KHDRBS2: variants seen among roughly 807,000 people sequenced by gnomAD.
KHDRBS2 encodes the protein KH domain-containing, RNA-binding, signal transduction-associated protein 2.
Under a neutral mutation model 44.3 loss-of-function variants are expected in KHDRBS2, and 26 were observed. That is an observed-to-expected ratio of 0.59 (90% CI 0.43 to 0.81). The LOEUF (loss-of-function observed/expected upper bound fraction) is 0.81, where lower values mean the gene tolerates loss of function less well. Ranked by LOEUF, KHDRBS2 falls within the 40% of genes least tolerant of loss-of-function variation. KHDRBS2 has a pLI of 0.00. For synonymous variants in KHDRBS2, 194 were observed against 151.1 expected (o/e 1.28, Z -2.08); for missense variants, 476 against 433.1 (o/e 1.10, Z -0.88).
chr6:61,661,846 C>T, the KHDRBS2 span, among the ~76,000 whole-genome samples: 1 of 151,940 alleles, frequency 6.6e-6, no homozygotes, highest in Non-Finnish European at 1.5e-5. Context: ...AGATTCAATG[C>T]CATCCCCATC....
At chr6:61,814,048 T>C (rs1788527737) in intron 6 of KHDRBS2, 1 of 455,820 alleles carries the variant, frequency 2.2e-6, no homozygotes, top group Admixed American at 2.4e-5. Flanking sequence ...TAAAGCAACA[T>C]ATTTATTCAT....
chr6:61,804,046 C>T (rs1405286657), intron 6 of KHDRBS2, among the ~76,000 whole-genome samples: 1 of 152,074 alleles, frequency 6.6e-6, no homozygotes, highest in Non-Finnish European at 1.5e-5. Context: ...AATAGCCCCC[C>T]AAAGTCATAA....
intron 1 of KHDRBS2, among the ~76,000 whole-genome samples, chr6:62,242,896 A>T (rs767362853): frequency 3.0e-4 from 46 of 152,130 alleles, no homozygotes; most frequent in Admixed American, 2.6e-3. Context: ...CTTTTTTGCT[A>T]TCATATACTT....
chr6:62,117,937 G>C (rs1205794556), intron 2 of KHDRBS2, among the ~76,000 whole-genome samples: 2 of 152,028 alleles, frequency 1.3e-5, no homozygotes, highest in African/African-American at 2.4e-5. Context: ...CACTACACCT[G>C]GCTAATTTTT....
At chr6:61,758,034 C>A (rs190663274) in intron 6 of KHDRBS2, among the ~76,000 whole-genome samples, 2 of 152,226 alleles carry the variant, frequency 1.3e-5, no homozygotes, top group Admixed American at 6.5e-5. Flanking sequence ...GCATCTCTCT[C>A]CTGTCTAGTA....
At chr6:61,811,206 T>C (rs999140277) in intron 6 of KHDRBS2, among the ~76,000 whole-genome samples, 2 of 152,140 alleles carry the variant, frequency 1.3e-5, no homozygotes, top group African/African-American at 4.8e-5. Flanking sequence ...GGACATGTGA[T>C]ATTTGGTTTC....
At chr6:62,277,289 T>C (rs1485619582) in intron 1 of KHDRBS2, among the ~76,000 whole-genome samples, 1 of 152,128 alleles carries the variant, frequency 6.6e-6, no homozygotes, top group African/African-American at 2.4e-5. Context: ...ATACTTCATT[T>C]ATTAATAGCA....
intron 1 of KHDRBS2, among the ~76,000 whole-genome samples, chr6:62,244,412 C>T (rs1835217423): frequency 6.6e-6 from 1 of 151,982 alleles, no homozygotes; most frequent in African/African-American, 2.4e-5. Flanking sequence ...GCCCGTGCTC[C>T]TAGTTCTGCT....
At chr6:61,554,130 A>C in the KHDRBS2 span, among the ~76,000 whole-genome samples, 1 of 152,096 alleles carries the variant, frequency 6.6e-6, no homozygotes, top group South Asian at 2.1e-4. Context: ...TTGCATAGTT[A>C]TCTAAATCTC....
At chr6:62,093,418 G>A (rs1799854268) in intron 2 of KHDRBS2, among the ~76,000 whole-genome samples, 1 of 151,804 alleles carries the variant, frequency 6.6e-6, no homozygotes, top group Admixed American at 6.6e-5. Flanking sequence ...ACATGTATAA[G>A]TTATGTAATG....
intron 1 of KHDRBS2, among the ~76,000 whole-genome samples, chr6:62,274,388 C>T (rs1012224640): frequency 6.6e-6 from 1 of 152,236 alleles, no homozygotes; most frequent in Non-Finnish European, 1.5e-5. Flanking sequence ...TAATACCTTT[C>T]AATGACTTAG....
At chr6:61,579,999 G>A in the KHDRBS2 span, among the ~76,000 whole-genome samples, 3 of 152,092 alleles carry the variant, frequency 2.0e-5, 1 homozygote, top group Non-Finnish European at 4.4e-5. Flanking sequence ...GGAGGTTGTG[G>A]TGAGCCCAGA....
chr6:62,001,628 C>G (rs1321739657), intron 3 of KHDRBS2, among the ~76,000 whole-genome samples: 3 of 152,048 alleles, frequency 2.0e-5, no homozygotes, highest in African/African-American at 7.2e-5. Flanking sequence ...AATATATTCA[C>G]TTTTCAATGT....
intron 1 of KHDRBS2, among the ~76,000 whole-genome samples, chr6:62,285,409 G>T (rs1842347675): frequency 6.6e-6 from 1 of 152,098 alleles, no homozygotes; most frequent in Non-Finnish European, 1.5e-5. Flanking sequence ...GATAGACTTT[G>T]ATTAAAGGGT....
intron 4 of KHDRBS2, among the ~76,000 whole-genome samples, chr6:61,902,448 G>A (rs1185043975): frequency 3.9e-5 from 6 of 151,940 alleles, no homozygotes; most frequent in African/African-American, 1.5e-4. Context: ...ATCATTACAG[G>A]TAAATGCTAC....
intron 1 of KHDRBS2, among the ~76,000 whole-genome samples, chr6:62,188,619 T>C (rs1471114443): frequency 3.9e-5 from 6 of 152,102 alleles, no homozygotes; most frequent in Admixed American, 3.3e-4. Flanking sequence ...TGCATGAAGA[T>C]CTGGGGTAGA....
chr6:62,113,845 A>T (rs1805587153), intron 2 of KHDRBS2, among the ~76,000 whole-genome samples: 1 of 152,116 alleles, frequency 6.6e-6, no homozygotes, highest in Admixed American at 6.6e-5. Context: ...AGCTGACAAG[A>T]TGGCAACATT....
intron 4 of KHDRBS2, among the ~76,000 whole-genome samples, chr6:61,955,800 G>T (rs963963276): frequency 2.6e-5 from 4 of 151,866 alleles, no homozygotes; most frequent in African/African-American, 9.7e-5. Context: ...ATTTTTAAGT[G>T]CCAATCATGT....
At chr6:61,938,460 A>T (rs1373327114) in intron 4 of KHDRBS2, among the ~76,000 whole-genome samples, 3 of 152,174 alleles carry the variant, frequency 2.0e-5, no homozygotes. Flanking sequence ...GGTCAACCAC[A>T]TTGGAGAGTA....
Sources: allele counts gnomAD v4.1 joint callset (sites outside exome capture counted in the v4.1 genomes callset), GRCh38; gene constraint gnomAD v4.1.1; transcripts MANE v1.5; gene names NCBI Gene and HGNC (gene_info 2026-07-23, HGNC 2026-07-21).